Variants in SMYD5 observed in about 807,000 individuals in gnomAD.
The protein encoded by SMYD5 is protein-lysine N-trimethyltransferase SMYD5.
SMYD5 carries 35 observed loss-of-function variants against 57.4 expected under a neutral mutation model. That is an observed-to-expected ratio of 0.61 (90% CI 0.47 to 0.81). SMYD5 has a LOEUF of 0.81. Ranked by LOEUF, SMYD5 falls within the 30% of genes least tolerant of loss-of-function variation. The pLI, the probability that SMYD5 is intolerant of heterozygous loss-of-function variation, is 0.00. For synonymous variants in SMYD5, 198 were observed against 189.7 expected (o/e 1.04, Z -0.36); for missense variants, 471 against 527.9 (o/e 0.89, Z 1.06).
intron 6 of SMYD5, 50 bp from the exon 7 acceptor site, chr2:73,222,705 A>G (rs769773094): frequency 4.0e-5 from 61 of 1,525,866 alleles, no homozygotes; most frequent in Non-Finnish European, 5.3e-5. Flanking sequence ...CCTGGGTGCT[A>G]ATGGGAAATC....
chr2:73,219,411 C>A lies in SMYD5; in HGVS notation c.205+442C>A, dbSNP rs139675700. On this transcript the variant is annotated intron_variant, in intron 2 of 12. Transcript: ENST00000389501. ...GGTCTGGGGGAGGGGGACGGAGTTTCGCTCTTGTCACCCAGGCTAAAGTGC... is the reference window on the plus strand; with the variant it reads ...GGTCTGGGGGAGGGGGACGGAGTTTAGCTCTTGTCACCCAGGCTAAAGTGC... Among the ~76,000 whole-genome samples, 269 of 152,170 alleles carry A rather than the reference C, an allele frequency of 1.8e-3. 4 individuals are homozygous for A. Among genetic ancestry groups the A allele is most frequent in the African/African-American group, 6.2e-3 (259 of 41,510 alleles).
intron 1 of SMYD5, among the ~76,000 whole-genome samples, chr2:73,215,367 G>A (rs199577303): frequency 2.0e-5 from 3 of 152,146 alleles, no homozygotes; most frequent in Non-Finnish European, 4.4e-5. Flanking sequence ...TGCCCAAGAC[G>A]TAAGACCTCT....
In SMYD5 at chr2:73,218,954, C is replaced by T; in HGVS notation, c.190C>T (p.Leu64Phe). Reference sequence around the variant, plus strand: ...GGCTGCACAGTTTCTCTGGAATGCACTTTATCGCTACCGAGGTGAGTACAT... The same window carrying T: ...GGCTGCACAGTTTCTCTGGAATGCATTTTATCGCTACCGAGGTGAGTACAT... ...LVAAQFLWNA[L>F]YRYRACDHCL... The change falls in exon 2 of 13, where the codon CTT becomes TTT. Residue 64 changes from leucine (L) to phenylalanine (F), a missense_variant. By Grantham distance (22) the Leu-to-Phe change is conservative (BLOSUM62 0). Transcript: ENST00000389501. 4 of 1,613,124 alleles carry T rather than the reference C, an allele frequency of 2.5e-6. No homozygotes were observed. The highest frequency in any genetic ancestry group is 3.4e-6 in the Non-Finnish European group (4 of 1,179,040).
intron 5 of SMYD5, 28 bp from the exon 6 acceptor site, chr2:73,221,798 G>T: frequency 6.6e-7 from 1 of 1,524,014 alleles, no homozygotes; most frequent in South Asian, 1.1e-5. Context: ...GGGTATCTGT[G>T]ACCCTTAAGT....
At chr2:73,224,051 G>T (rs1686455623) in intron 10 of SMYD5, 48 bp downstream of exon 10, 5 of 1,571,024 alleles carry the variant, frequency 3.2e-6, no homozygotes, top group African/African-American at 1.3e-5. Flanking sequence ...TTCTGCCTTT[G>T]CCAGGTGGCC....
chr2:73,224,340 C>T (rs2103721324), intron 10 of SMYD5, among the ~76,000 whole-genome samples: 1 of 152,290 alleles, frequency 6.6e-6, no homozygotes, highest in East Asian at 1.9e-4. Context: ...TTTGGGAGTA[C>T]TGGGAGCCCA....
At chr2:73,221,535 T>C (rs1686397480) in intron 5 of SMYD5, among the ~76,000 whole-genome samples, 1 of 152,080 alleles carries the variant, frequency 6.6e-6, no homozygotes, top group South Asian at 2.1e-4. Flanking sequence ...GCATTTGATT[T>C]ATAAGCACCG....
chr2:73,221,237 G>T lies in SMYD5; in HGVS notation c.537+3G>T. On this transcript the variant is annotated splice_donor_region_variant and intron_variant, in intron 5 of 12. Transcript: ENST00000389501. ...GGATGGTGGCCACAGTGAAGCAGGTGAGCCCACCCAACCCTCTCGGGGAAG... is the reference window on the plus strand; with the variant it reads ...GGATGGTGGCCACAGTGAAGCAGGTTAGCCCACCCAACCCTCTCGGGGAAG... The T allele has an allele frequency of 2.5e-6, 4 of 1,613,416 alleles. No homozygotes were observed. The highest frequency in any genetic ancestry group is 3.4e-6 in the Non-Finnish European group (4 of 1,179,522).
intron 1 of SMYD5, among the ~76,000 whole-genome samples, chr2:73,215,853 ATTCAAATGAGATTGGTT>A (rs956246864): frequency 1.3e-5 from 2 of 151,976 alleles, no homozygotes; most frequent in African/African-American, 4.8e-5. Flanking sequence ...TTGCTTCTCT[ATTCAAATGAGATTGGTT>A]TGTGATTTTT....
rs928133609 is a variant in SMYD5, at chr2:73,222,013, T to C, written c.642+83T>C. 1.6e-5 allele frequency: 14 copies of C among 851,830 alleles called. No homozygotes were observed. In the African/African-American group the frequency reaches 1.7e-4, roughly 10 times the overall value. The allele number at this position is 851,830 out of a possible 1,614,324, so 52.8% of individuals were successfully genotyped here. ...GGCCAGCTGTGGGGAGCACCACATT[T>C]GATCACTTCTGAGCTACAGGAAGGA... is the stretch of plus-strand genomic sequence containing the variant. On this transcript the variant is annotated intron_variant, in intron 6 of 12. Transcript: ENST00000389501.
In SMYD5 at chr2:73,226,344, A is replaced by T. The variant is rs1383369187; in HGVS notation, c.*398A>T. 5.5e-6 allele frequency: 1 copy of T among 181,492 alleles called. No homozygotes were observed. Among genetic ancestry groups the T allele is most frequent in the East Asian group, 1.4e-4 (1 of 7,110 alleles). 11.2% of individuals were successfully genotyped at this position (181,492 alleles called of 1,614,324 possible). On this transcript the variant is annotated 3_prime_UTR_variant, in exon 13 of 13. Transcript: ENST00000389501. ...TTGCTGTTGATTTCTTTTGAGGGGT[A>T]AAAGAAAGACCGAGTTCATTGAAGC... is the stretch of plus-strand genomic sequence containing the variant.
Position 73,219,016 on chromosome 2 carries a change from T to C in SMYD5, c.205+47T>C, listed in dbSNP as rs766184903. The C allele has an allele frequency of 1.7e-5, 23 of 1,380,556 alleles. No individual in the cohort carries two copies. The South Asian group carries it at 2.4e-4, about 15-fold the overall frequency. 85.5% of individuals were successfully genotyped at this position (1,380,556 alleles called of 1,614,324 possible). On this transcript the variant is annotated intron_variant, in intron 2 of 12. Transcript: ENST00000389501. Reference sequence around the variant, plus strand: ...CTCATGGCCCAGTCGTCTTTGTGCATGGAAGTGAGCTGCATACATCCCTAC... The same window carrying C: ...CTCATGGCCCAGTCGTCTTTGTGCACGGAAGTGAGCTGCATACATCCCTAC...
At chr2:73,214,700 A>T (rs772380444) in intron 1 of SMYD5, 1 of 1,383,574 alleles carries the variant, frequency 7.2e-7, no homozygotes, top group Admixed American at 2.2e-5. Flanking sequence ...GGCAGAGAGA[A>T]CTGAGGTGTA....
chr2:73,223,129 GA>G (rs762454007), intron 8 of SMYD5, 23 bp downstream of exon 8: 1 of 1,602,616 alleles, frequency 6.2e-7, no homozygotes, highest in Non-Finnish European at 8.6e-7. Context: ...CAGAGCTATT[GA>G]AGTTACTCTC....
Position 73,226,065 on chromosome 2 carries a change from C to T in SMYD5, c.*119C>T. On this transcript the variant is annotated 3_prime_UTR_variant, in exon 13 of 13. Coordinates refer to ENST00000389501, the MANE Select transcript of SMYD5 (RefSeq NM_006062.3). ...CATTGCCTGCTTTCCCCATTCCAGC[C>T]CTCTCTGCTAGAGGGTAGGAGAGAG... 1 of 1,364,702 alleles carries T rather than the reference C, an allele frequency of 7.3e-7. No homozygotes were observed. Among genetic ancestry groups the T allele is most frequent in the Non-Finnish European group, 9.8e-7 (1 of 1,019,280 alleles). 84.5% of individuals were successfully genotyped at this position (1,364,702 alleles called of 1,614,324 possible). A position where few individuals can be genotyped will look rare whatever the true frequency, so the allele number is the denominator to read the frequency against.
At chr2:73,214,642 A>G (rs1686258345) in intron 1 of SMYD5, 1 of 1,495,356 alleles carries the variant, frequency 6.7e-7, no homozygotes, top group Non-Finnish European at 9.0e-7. Context: ...GGGCGGGGCT[A>G]GGGGGCTTTG....
intron 1 of SMYD5, among the ~76,000 whole-genome samples, chr2:73,215,629 T>C (rs1281534422): frequency 6.6e-6 from 1 of 152,240 alleles, no homozygotes; most frequent in Non-Finnish European, 1.5e-5. Context: ...CTTCACCTTT[T>C]TCTTCATTAG....
In SMYD5 at chr2:73,223,526, G is replaced by C. The variant is rs1686438256; in HGVS notation, c.877G>C (p.Glu293Gln). 6.2e-7 allele frequency: 1 copy of C among 1,612,236 alleles called. No individual in the cohort carries two copies. The highest frequency in any genetic ancestry group is 8.5e-7 in the Non-Finnish European group (1 of 1,178,270). The change falls in exon 9 of 13, where the codon GAG becomes CAG. Residue 293 changes from glutamate (E) to glutamine (Q), a missense_variant. By Grantham distance (29) the Glu-to-Gln change is conservative. Coordinates refer to ENST00000389501, the MANE Select transcript of SMYD5 (RefSeq NM_006062.3). ...CATTGACCAGCTATACAAGGACATC[G>C]AGGCAGGTTGGTGAGATAGGGCCTT... ...AFIDQLYKDI[E>Q]AATGEFLNCE...
At chr2:73,225,090 G>A in intron 11 of SMYD5, 130 bp downstream of exon 11, 1 of 655,058 alleles carries the variant, frequency 1.5e-6, no homozygotes, top group Non-Finnish European at 2.7e-6. Context: ...ACATACCTTA[G>A]GGTCTGAGTC....
Sources: gnomAD v4.1 joint callset for allele counts (sites outside exome capture counted in the v4.1 genomes callset) on GRCh38, gnomAD v4.1.1 for gene constraint, MANE v1.5 for transcripts, NCBI Gene and HGNC (gene_info 2026-07-23, HGNC 2026-07-21) for gene names.